Variants in HARS1 observed in about 807,000 individuals in gnomAD.
The protein encoded by HARS1 is histidine--tRNA ligase, cytoplasmic.
In HARS1, 45 loss-of-function variants were observed where a neutral mutation model predicts 63.6. The observed-to-expected ratio is 0.71, with a 90% CI of 0.56 to 0.91. The LOEUF is 0.91. Ranked by LOEUF, HARS1 falls within the 40% of genes least tolerant of loss-of-function variation. The pLI is 0.00. For missense variants in HARS1, 508 were observed against 643.2 expected (o/e 0.79, Z 2.27); for synonymous variants, 205 against 247.1 (o/e 0.83, Z 1.60).
chr5:140,686,683 C>A (rs1759052950), intron 2 of HARS1, among the ~76,000 whole-genome samples: 1 of 151,970 alleles, frequency 6.6e-6, no homozygotes, highest in Admixed American at 6.6e-5. Flanking sequence ...TCACCACAAC[C>A]TCTGCTTCCC....
Position 140,676,574 on chromosome 5 carries a change from C to T in HARS1, c.1194+80G>A. On this transcript the variant is annotated intron_variant, in intron 10 of 12. Transcript: ENST00000504156. The surrounding 1 kb of genome is among the most constrained non-coding windows in gnomAD (Gnocchi z 4.1). ...GAGATGCTCCCTGCCCAAAGCAGCA[C>T]CACTTGCTCCCTTGGAGATCAGATA... is the stretch of plus-strand genomic sequence containing the variant. 1 of 1,448,988 alleles carries T rather than the reference C, an allele frequency of 6.9e-7. No individual in the cohort carries two copies. The allele number at this position is 1,448,988 out of a possible 1,614,324, so 89.8% of individuals were successfully genotyped here.
In HARS1 at chr5:140,677,977, A is replaced by G. The variant is rs2149825285; in HGVS notation, c.561T>C (p.Pro187=). The change falls in exon 6 of 13, where the codon CCT becomes CCC. Residue 187 remains proline (P), a synonymous_variant. Transcript: ENST00000504156. ...DIAGNFDPMI[P]DAECLKIMCE... is the part of the protein sequence containing the mutation. The stretch of plus-strand genomic sequence containing the variant: ...ACATGATCTTCAGGCACTCTGCATC[A>G]GGGATCATGGGATCAAAGTTCCCAG... The G allele has an allele frequency of 6.8e-6, 11 of 1,611,492 alleles. No homozygotes were observed. The highest frequency in any genetic ancestry group is 9.3e-6 in the Non-Finnish European group (11 of 1,177,762).
Position 140,676,427 on chromosome 5 carries a change from G to T in HARS1, c.1194+227C>A. 1.8e-6 allele frequency: 1 copy of T among 554,020 alleles called. No individual in the cohort carries two copies. Among genetic ancestry groups the T allele is most frequent in the Non-Finnish European group, 3.2e-6 (1 of 312,826 alleles). 34.3% of individuals were successfully genotyped at this position (554,020 alleles called of 1,614,324 possible). A position where few individuals can be genotyped will look rare whatever the true frequency, so the allele number is the denominator to read the frequency against. ...GCCCAGGTTTGTGACAGCCCTGAAG[G>T]AAGTAGAGACCCAGAGCAGAGGATT... is the stretch of plus-strand genomic sequence containing the variant. On this transcript the variant is annotated intron_variant, in intron 10 of 12. Coordinates refer to ENST00000504156, the MANE Select transcript of HARS1 (RefSeq NM_002109.6). This position sits in a 1 kb window ranked among gnomAD's most constrained non-coding sequence, Gnocchi z 4.1.
chr5:140,676,539 C>G lies in HARS1; in HGVS notation c.1194+115G>C. On this transcript the variant is annotated intron_variant, in intron 10 of 12. Transcript: ENST00000504156. The surrounding 1 kb of genome is among the most constrained non-coding windows in gnomAD (Gnocchi z 4.1). ...GTGAAAAAGAGCAATAATCTTTTCT[C>G]CATTTCTGTGAGATGCTCCCTGCCC... 1 of 1,073,238 alleles carries G rather than the reference C, an allele frequency of 9.3e-7. No homozygotes were observed. The highest frequency in any genetic ancestry group is 1.4e-6 in the Non-Finnish European group (1 of 728,908). 66.5% of individuals were successfully genotyped at this position (1,073,238 alleles called of 1,614,324 possible).
At chr5:140,690,191 T>G (rs1033473085) in intron 2 of HARS1, among the ~76,000 whole-genome samples, 2 of 152,148 alleles carry the variant, frequency 1.3e-5, no homozygotes, top group African/African-American at 2.4e-5. Flanking sequence ...GTGGCACACG[T>G]CTGTAATCCC....
Position 140,691,363 on chromosome 5 carries a change from G to T in HARS1, c.-59C>A. 2 of 1,321,760 alleles carry T rather than the reference G, an allele frequency of 1.5e-6. No individual in the cohort carries two copies. The highest frequency in any genetic ancestry group is 2.1e-6 in the Non-Finnish European group (2 of 951,592). 81.9% of individuals were successfully genotyped at this position (1,321,760 alleles called of 1,614,324 possible). On this transcript the variant is annotated 5_prime_UTR_variant, in exon 1 of 13. In the 5' UTR this introduces an upstream ATG that the reference lacks. Coordinates refer to ENST00000504156, the MANE Select transcript of HARS1 (RefSeq NM_002109.6). ...ACCTGCGGTGGTTGCCCCAGCCTCA[G>T]CAAGGATGACTTCCGGCTATCGAGT...
chr5:140,679,313 A>C lies in HARS1; in HGVS notation c.397-186T>G. ...CCACATGAGGTAGCTGAAGGCTCAA[A>C]AAAGATTAAGGCACCTTTCCCTTTT... On this transcript the variant is annotated intron_variant, in intron 4 of 12. Coordinates refer to ENST00000504156, the MANE Select transcript of HARS1 (RefSeq NM_002109.6). This position sits in a 1 kb window ranked among gnomAD's most constrained non-coding sequence, Gnocchi z 4.3. 1.7e-6 allele frequency: 1 copy of C among 571,490 alleles called. No homozygotes were observed. Among genetic ancestry groups the C allele is most frequent in the Non-Finnish European group, 3.1e-6 (1 of 327,138 alleles). The allele number at this position is 571,490 out of a possible 1,614,324, so 35.4% of individuals were successfully genotyped here.
In HARS1 at chr5:140,684,303, A is replaced by T. The variant is rs910988225; in HGVS notation, c.181-1084T>A. ...AGACTCTGTCAAAACAAAAACAAAAACAAAAACAAACCCAACCAAACAAAC... is the reference window on the plus strand; with the variant it reads ...AGACTCTGTCAAAACAAAAACAAAATCAAAAACAAACCCAACCAAACAAAC... On this transcript the variant is annotated intron_variant, in intron 2 of 12. Transcript: ENST00000504156. 11 of 950,188 alleles carry T rather than the reference A, an allele frequency of 1.2e-5. No individual in the cohort carries two copies. The African/African-American group carries it at 1.7e-4, about 14-fold the overall frequency. 58.9% of individuals were successfully genotyped at this position (950,188 alleles called of 1,614,324 possible).
Position 140,676,534 on chromosome 5 carries a change from T to C in HARS1, c.1194+120A>G, listed in dbSNP as rs1758369439. 9.7e-7 allele frequency: 1 copy of C among 1,032,080 alleles called. No individual in the cohort carries two copies. The highest frequency in any genetic ancestry group is 1.6e-5 in the South Asian group (1 of 64,442). 63.9% of individuals were successfully genotyped at this position (1,032,080 alleles called of 1,614,324 possible). A position where few individuals can be genotyped will look rare whatever the true frequency, so the allele number is the denominator to read the frequency against. ...AATCTGTGAAAAAGAGCAATAATCTTTTCTCCATTTCTGTGAGATGCTCCC... is the reference window on the plus strand; with the variant it reads ...AATCTGTGAAAAAGAGCAATAATCTCTTCTCCATTTCTGTGAGATGCTCCC... On this transcript the variant is annotated intron_variant, in intron 10 of 12. Transcript: ENST00000504156. This position sits in a 1 kb window ranked among gnomAD's most constrained non-coding sequence, Gnocchi z 4.1.
chr5:140,683,192 T>C lies in HARS1; in HGVS notation c.208A>G (p.Met70Val), dbSNP rs1758823806. The change falls in exon 3 of 13, where the codon ATG becomes GTG. Residue 70 changes from methionine (M) to valine (V), a missense_variant. Physicochemically the swap from Met to Val is conservative, Grantham distance 21. This residue lies in a region of HARS1 where 105 missense variants were observed against 94.5 expected (regional missense o/e 1.11). Transcript: ENST00000504156. The stretch of plus-strand genomic sequence containing the variant: ...TCAAACACCTTCTCGCGAACTGCCA[T>C]CTGCCGGGGACTATAGTCTCTTGTG... ...KGTRDYSPRQMAVREKVFDVI... is the reference protein window; with the variant it reads ...KGTRDYSPRQVAVREKVFDVI... 6 of 1,614,034 alleles carry C rather than the reference T, an allele frequency of 3.7e-6. No individual in the cohort carries two copies. The highest frequency in any genetic ancestry group is 5.1e-6 in the Non-Finnish European group (6 of 1,179,860).
At chr5:140,685,998 C>T (rs1412366423) in intron 2 of HARS1, among the ~76,000 whole-genome samples, 2 of 147,002 alleles carry the variant, frequency 1.4e-5, no homozygotes, top group African/African-American at 5.0e-5. Context: ...GGTGTGATCT[C>T]GGCTCACTGC....
In HARS1 at chr5:140,678,437, T is replaced by G. The variant is rs113408729; in HGVS notation, c.523-422A>C. 1,230 of 186,938 alleles carry G rather than the reference T, an allele frequency of 6.6e-3. 17 individuals are homozygous for G. Among genetic ancestry groups the G allele is most frequent in the African/African-American group, 0.028 (1,172 of 42,286 alleles). The allele number at this position is 186,938 out of a possible 1,614,324, so 11.6% of individuals were successfully genotyped here. A position where few individuals can be genotyped will look rare whatever the true frequency, so the allele number is the denominator to read the frequency against. On this transcript the variant is annotated intron_variant, in intron 5 of 12. Coordinates refer to ENST00000504156, the MANE Select transcript of HARS1 (RefSeq NM_002109.6). Reference sequence around the variant, plus strand: ...CAAGAGTTCTAGTCCTGACTTTGCCTTTCTTATCCCTATGATCTCTTCATG... The same window carrying G: ...CAAGAGTTCTAGTCCTGACTTTGCCGTTCTTATCCCTATGATCTCTTCATG...
Position 140,679,721 on chromosome 5 carries a change from T to C in HARS1, c.396+67A>G. On this transcript the variant is annotated intron_variant, in intron 4 of 12. Transcript: ENST00000504156. The surrounding 1 kb of genome is among the most constrained non-coding windows in gnomAD (Gnocchi z 4.3). ...TATTTGATCCTACCTACTCTACCAT[T>C]CTTAAACCTGAGCCAAGTGAGTGCC... 1.3e-6 allele frequency: 1 copy of C among 793,060 alleles called. No homozygotes were observed. The highest frequency in any genetic ancestry group is 2.2e-6 in the Non-Finnish European group (1 of 459,778). 49.1% of individuals were successfully genotyped at this position (793,060 alleles called of 1,614,324 possible). A position where few individuals can be genotyped will look rare whatever the true frequency, so the allele number is the denominator to read the frequency against.
intron 12 of HARS1, 131 bp from the exon 13 acceptor site, chr5:140,674,459 A>C: frequency 1.2e-6 from 1 of 806,284 alleles, no homozygotes; most frequent in Non-Finnish European, 2.1e-6. Flanking sequence ...TAAACACCTC[A>C]GGCTAGAGTG....
intron 2 of HARS1, chr5:140,685,183 T>TAACA (rs1554108082): frequency 7.0e-6 from 1 of 142,016 alleles, no homozygotes; most frequent in Non-Finnish European, 1.5e-5. Flanking sequence ...TCAATGAACT[T>TAACA]AAAAAAAAAA....
At chr5:140,677,284 G>A (rs1449906439) in intron 8 of HARS1, 43 bp downstream of exon 8, 1 of 1,482,460 alleles carries the variant, frequency 6.7e-7, no homozygotes, top group Non-Finnish European at 9.4e-7. Context: ...TAGGACTGAG[G>A]GCAGTGGGAC....
At chr5:140,682,172 GGTTC>G (rs1033553004) in intron 3 of HARS1, among the ~76,000 whole-genome samples, 2 of 152,108 alleles carry the variant, frequency 1.3e-5, no homozygotes, top group African/African-American at 4.8e-5. Context: ...TGAGGCCAGG[GGTTC>G]GTTCGCAAGC....
rs1245695957 is a variant in HARS1 at position 140,676,576 on chromosome 5, A to C, written c.1194+78T>G. 1 of 1,462,414 alleles carries C rather than the reference A, an allele frequency of 6.8e-7. No homozygotes were observed. Among genetic ancestry groups the C allele is most frequent in the African/African-American group, 1.4e-5 (1 of 71,852 alleles). The allele number at this position is 1,462,414 out of a possible 1,614,324, so 90.6% of individuals were successfully genotyped here. On this transcript the variant is annotated intron_variant, in intron 10 of 12. Coordinates refer to ENST00000504156, the MANE Select transcript of HARS1 (RefSeq NM_002109.6). This position sits in a 1 kb window ranked among gnomAD's most constrained non-coding sequence, Gnocchi z 4.1. Reference sequence around the variant, plus strand: ...GATGCTCCCTGCCCAAAGCAGCACCACTTGCTCCCTTGGAGATCAGATAGC... The same window carrying C: ...GATGCTCCCTGCCCAAAGCAGCACCCCTTGCTCCCTTGGAGATCAGATAGC...
chr5:140,676,594 C>G lies in HARS1; in HGVS notation c.1194+60G>C. ...CAGCACCACTTGCTCCCTTGGAGAT[C>G]AGATAGCTTAGGTGCCACCACCTGC... On this transcript the variant is annotated intron_variant, in intron 10 of 12. Coordinates refer to ENST00000504156, the MANE Select transcript of HARS1 (RefSeq NM_002109.6). The surrounding 1 kb of genome is among the most constrained non-coding windows in gnomAD (Gnocchi z 4.1). The G allele has an allele frequency of 6.4e-7, 1 of 1,560,832 alleles. No individual in the cohort carries two copies. Among genetic ancestry groups the G allele is most frequent in the Non-Finnish European group, 8.8e-7 (1 of 1,141,436 alleles).
Sources: allele counts gnomAD v4.1 joint callset (sites outside exome capture counted in the v4.1 genomes callset), GRCh38; gene constraint gnomAD v4.1.1; regional missense constraint gnomAD v4.1.1; non-coding constraint Gnocchi (gnomAD v3.1); transcripts MANE v1.5; gene names NCBI Gene and HGNC (gene_info 2026-07-23, HGNC 2026-07-21).